Variants in FNDC1 observed in about 807,000 individuals in gnomAD.
The protein encoded by FNDC1 is fibronectin type III domain containing 1.
FNDC1 carries 96 observed loss-of-function variants against 168.0 expected under a neutral mutation model. The ratio of observed to expected loss-of-function variants is 0.57; its 90% CI spans 0.48 to 0.68. FNDC1 has a LOEUF of 0.68. FNDC1 is among the 30% of genes least tolerant of loss of function. The pLI is 0.00. For missense variants in FNDC1, 2,587 were observed against 2,482.1 expected (o/e 1.04, Z -0.90); for synonymous variants, 1,099 against 1,025.9 (o/e 1.07, Z -1.36).
chr6:159,266,023 T>G, intron 20 of FNDC1, 61 bp from the exon 21 acceptor site: 1 of 1,572,360 alleles, frequency 6.4e-7, no homozygotes, highest in African/African-American at 1.3e-5. Flanking sequence ...TCCTGGCACT[T>G]TGTGTGAGAA....
rs374875804 is a variant in FNDC1 at position 159,221,524 on chromosome 6, C to T, written c.668-74C>T. ...AAGGGGAGGAGGAATGCAGAACCCC[C>T]GCTCCAGCCCCAGGGGATGTGTGTT... On this transcript the variant is annotated intron_variant, in intron 5 of 22. Coordinates refer to ENST00000297267, the MANE Select transcript of FNDC1 (RefSeq NM_032532.3). 1.2e-4 allele frequency: 145 copies of T among 1,194,788 alleles called. 1 individual carries two copies. The highest frequency in any genetic ancestry group is 6.2e-4 in the South Asian group (50 of 80,562). 74.0% of individuals were successfully genotyped at this position (1,194,788 alleles called of 1,614,324 possible).
chr6:159,237,528 CTGCA>C (rs1323487966), intron 12 of FNDC1, among the ~76,000 whole-genome samples: 2 of 152,172 alleles, frequency 1.3e-5, no homozygotes, highest in Non-Finnish European at 2.9e-5. Flanking sequence ...GTGACGTTTT[CTGCA>C]TGCATACTAT....
At chr6:159,213,488 C>A (rs1405599672) in intron 4 of FNDC1, among the ~76,000 whole-genome samples, 1 of 152,130 alleles carries the variant, frequency 6.6e-6, no homozygotes, top group African/African-American at 2.4e-5. Flanking sequence ...GAACTGCCAT[C>A]CTCCCCAGGG....
chr6:159,184,091 C>T (rs1017004431), intron 1 of FNDC1, among the ~76,000 whole-genome samples: 1 of 152,236 alleles, frequency 6.6e-6, no homozygotes, highest in Admixed American at 6.5e-5. Flanking sequence ...TCACTTAACT[C>T]TCTGTGACTC....
chr6:159,267,248 T>A (rs1475084680), intron 21 of FNDC1, among the ~76,000 whole-genome samples: 3 of 152,058 alleles, frequency 2.0e-5, no homozygotes, highest in Non-Finnish European at 4.4e-5. Flanking sequence ...TTCTTTCTCT[T>A]CCATCACTGT....
At chr6:159,178,164 G>A (rs144284708) in intron 1 of FNDC1, among the ~76,000 whole-genome samples, 204 of 152,240 alleles carry the variant, frequency 1.3e-3, no homozygotes, top group African/African-American at 4.2e-3. Context: ...ACAACCTGAC[G>A]TCTGCCCAGC....
At chr6:159,241,580 G>A (rs188666766) in intron 14 of FNDC1, among the ~76,000 whole-genome samples, 2 of 152,302 alleles carry the variant, frequency 1.3e-5, no homozygotes, top group East Asian at 1.9e-4. Context: ...CAGTCTTATG[G>A]AAAAGTTAAA....
At chr6:159,230,674 G>A (rs951384249) in intron 10 of FNDC1, among the ~76,000 whole-genome samples, 7 of 152,198 alleles carry the variant, frequency 4.6e-5, no homozygotes, top group African/African-American at 1.7e-4. Context: ...TCCACAACTG[G>A]AAGGGAGTGT....
chr6:159,228,629 T>A (rs1237332245), intron 9 of FNDC1, among the ~76,000 whole-genome samples: 1 of 152,116 alleles, frequency 6.6e-6, no homozygotes, highest in Non-Finnish European at 1.5e-5. Flanking sequence ...AATTCTTGAA[T>A]TTTCTGTGAT....
At chr6:159,215,263 C>T in intron 5 of FNDC1, 112 bp downstream of exon 5, 1 of 899,382 alleles carries the variant, frequency 1.1e-6, no homozygotes, top group Non-Finnish European at 1.7e-6. Context: ...TGTCCACTTG[C>T]CAGATGTTAC....
At chr6:159,239,477 C>G in intron 13 of FNDC1, 40 bp from the exon 14 acceptor site, 1 of 1,508,658 alleles carries the variant, frequency 6.6e-7, no homozygotes, top group Non-Finnish European at 8.9e-7. Flanking sequence ...CTCTGGATTG[C>G]TTCACCTTGT....
At chr6:159,192,232 C>T (rs920301945) in intron 1 of FNDC1, among the ~76,000 whole-genome samples, 1 of 152,244 alleles carries the variant, frequency 6.6e-6, no homozygotes, top group African/African-American at 2.4e-5. Context: ...ACCATCCATT[C>T]ATCTTTTTCC....
At chr6:159,187,078 C>T (rs1315364738) in intron 1 of FNDC1, among the ~76,000 whole-genome samples, 3 of 152,200 alleles carry the variant, frequency 2.0e-5, no homozygotes, top group African/African-American at 7.2e-5. Flanking sequence ...CTCCTCTGCT[C>T]AGGAGTGAGT....
chr6:159,222,812 T>C (rs2114977461), intron 6 of FNDC1, among the ~76,000 whole-genome samples: 1 of 152,314 alleles, frequency 6.6e-6, no homozygotes, highest in African/African-American at 2.4e-5. Flanking sequence ...TGAGTTGAGC[T>C]TTCCTTCTCC....
At chr6:159,192,243 T>G (rs538492276) in intron 1 of FNDC1, among the ~76,000 whole-genome samples, 2 of 152,126 alleles carry the variant, frequency 1.3e-5, no homozygotes, top group South Asian at 4.1e-4. Context: ...ATCTTTTTCC[T>G]TTTACCTACC....
At chr6:159,252,131 G>A (rs947770750) in intron 17 of FNDC1, among the ~76,000 whole-genome samples, 6 of 152,184 alleles carry the variant, frequency 3.9e-5, no homozygotes, top group African/African-American at 1.4e-4. Flanking sequence ...AGATGTTTAA[G>A]TTCACTCTGC....
chr6:159,223,711 T>C (rs1782895458), intron 7 of FNDC1, 66 bp downstream of exon 7: 2 of 898,548 alleles, frequency 2.2e-6, no homozygotes, highest in East Asian at 5.0e-5. Context: ...TGAAAAGACA[T>C]GTATTTAATG....
At chr6:159,245,614 C>T (rs1783523756) in intron 14 of FNDC1, among the ~76,000 whole-genome samples, 1 of 152,112 alleles carries the variant, frequency 6.6e-6, no homozygotes, top group African/African-American at 2.4e-5. Flanking sequence ...CACATCTTTC[C>T]CAAAAGACTT....
At chr6:159,196,353 T>G (rs954995544) in intron 1 of FNDC1, among the ~76,000 whole-genome samples, 1 of 152,232 alleles carries the variant, frequency 6.6e-6, no homozygotes, top group Non-Finnish European at 1.5e-5. Context: ...TTCTTTCCCT[T>G]GCTAATCATT....
Sources: allele counts gnomAD v4.1 joint callset (sites outside exome capture counted in the v4.1 genomes callset), GRCh38; gene constraint gnomAD v4.1.1; transcripts MANE v1.5; gene names NCBI Gene and HGNC (gene_info 2026-07-23, HGNC 2026-07-21).